The following PUDP variants were observed in gnomAD, a reference collection of about 807,000 sequenced individuals.
PUDP encodes pseudouridine 5'-phosphatase.
A neutral mutation model predicts 9.4 loss-of-function variants in PUDP; 8 were observed. That is an observed-to-expected ratio of 0.85 (90% confidence interval 0.50 to 1.53). The LOEUF (loss-of-function observed/expected upper bound fraction) is 1.53. PUDP is among the 40% of genes most tolerant of loss of function. PUDP has a pLI of 0.00. For missense variants in PUDP, 188 were observed against 189.7 expected (o/e 0.99, Z 0.05); for synonymous variants, 99 against 80.7 (o/e 1.23, Z -1.22).
intron 3 of PUDP, among the ~76,000 whole-genome samples, chrX:6,732,591 G>A (rs951355914): frequency 3.9e-4 from 40 of 102,399 alleles, no homozygotes; most frequent in African/African-American, 1.2e-3. Flanking sequence ...GAGGGAGGGA[G>A]GAAGGAGAAG....
chrX:6,850,827 A>G (rs1926816490), intron 3 of PUDP, among the ~76,000 whole-genome samples: 1 of 112,206 alleles, frequency 8.9e-6, no homozygotes, highest in Non-Finnish European at 1.9e-5. Flanking sequence ...AGACATATAC[A>G]GAAACATTAA....
intron 3 of PUDP, among the ~76,000 whole-genome samples, chrX:6,780,176 T>G (rs1399449254): frequency 6.4e-5 from 7 of 109,794 alleles, no homozygotes; most frequent in African/African-American, 2.3e-4. Flanking sequence ...TACACACACA[T>G]ATACACATAC....
chrX:7,134,531 A>C (rs1460658571), intron 1 of PUDP, among the ~76,000 whole-genome samples: 2 of 112,227 alleles, frequency 1.8e-5, no homozygotes, highest in Non-Finnish European at 3.8e-5. Flanking sequence ...CACTTTAAAG[A>C]GCTTGTCACG....
At chrX:6,991,844 A>G (rs1929183426) in intron 1 of PUDP, among the ~76,000 whole-genome samples, 1 of 111,280 alleles carries the variant, frequency 9.0e-6, no homozygotes, top group Admixed American at 9.6e-5. Flanking sequence ...AGAAAGAAAA[A>G]TTTTTAAAGA....
intron 3 of PUDP, among the ~76,000 whole-genome samples, chrX:6,811,887 G>A (rs1471191843): frequency 3.6e-5 from 4 of 112,308 alleles, no homozygotes; most frequent in South Asian, 3.7e-4. Flanking sequence ...GCTGGGCCCC[G>A]AAGGGGCTGC....
At chrX:6,999,353 G>A (rs777167164) in intron 1 of PUDP, among the ~76,000 whole-genome samples, 2 of 111,640 alleles carry the variant, frequency 1.8e-5, no homozygotes, top group South Asian at 3.8e-4. Context: ...ATTGCTCAGC[G>A]ATTTAATAGA....
chrX:7,052,475 G>A (rs148073408), intron 3 of PUDP, among the ~76,000 whole-genome samples: 2,222 of 111,994 alleles, frequency 0.02, 32 homozygotes, highest in Non-Finnish European at 0.03. Flanking sequence ...ATTCTTTGGC[G>A]TTTTCAGTAG....
chrX:6,952,476 T>C (rs912091957), intron 3 of PUDP, among the ~76,000 whole-genome samples: 1 of 112,077 alleles, frequency 8.9e-6, no homozygotes, highest in African/African-American at 3.2e-5. Flanking sequence ...TCTTTTCTAT[T>C]CTAGGATTCA....
intron 1 of PUDP, among the ~76,000 whole-genome samples, chrX:7,024,754 C>CTTTTTTTTTTTTTTTT (rs55692944): frequency 0.019 from 1,054 of 54,330 alleles, 238 homozygotes; most frequent in African/African-American, 0.036. Flanking sequence ...GCCCGGCTAA[C>CTTTTTTTTTTTTTTTT]TTTTTTTTTT....
chrX:6,758,541 G>T, intron 3 of PUDP, among the ~76,000 whole-genome samples: 1 of 111,862 alleles, frequency 8.9e-6, no homozygotes, highest in Non-Finnish European at 1.9e-5. Flanking sequence ...CAGACATTTT[G>T]CAAAACATTC....
chrX:6,809,391 A>G (rs1168928583), intron 3 of PUDP, among the ~76,000 whole-genome samples: 1 of 109,536 alleles, frequency 9.1e-6, no homozygotes, highest in Admixed American at 9.7e-5. Context: ...TCAAACTCCT[A>G]TGCTCAAGGG....
intron 3 of PUDP, among the ~76,000 whole-genome samples, chrX:6,911,136 G>T (rs1319221630): frequency 1.8e-5 from 2 of 110,904 alleles, no homozygotes; most frequent in African/African-American, 6.5e-5. Flanking sequence ...TAGAATAAAA[G>T]ATAATAAACT....
rs1330138990 is a variant in PUDP, at chrX:6,844,321, G to A, written c.*247+132812C>T. Among the ~76,000 whole-genome samples, 7 of 112,732 alleles carry A rather than the reference G, an allele frequency of 6.2e-5. No individual in the cohort carries two copies. In the East Asian group the frequency reaches 1.9e-3, roughly 31 times the overall value. On this transcript the variant is annotated intron_variant and NMD_transcript_variant, in intron 3 of 3. Coordinates refer to the PUDP transcript ENST00000655425. ...TATGCAACATATAACATATTCACAG[G>A]TTTTGGCAATTTGGTCATGGACATC...
chrX:6,741,844 TTCTTTC>T (rs1462416229), intron 3 of PUDP, among the ~76,000 whole-genome samples: 1 of 103,950 alleles, frequency 9.6e-6, no homozygotes, highest in African/African-American at 3.8e-5. Context: ...CTTTCTTTCT[TTCTTTC>T]TTTTTCTTTC....
intron 1 of PUDP, among the ~76,000 whole-genome samples, chrX:7,005,989 A>G (rs938436842): frequency 8.9e-6 from 1 of 111,956 alleles, no homozygotes; most frequent in African/African-American, 3.3e-5. Flanking sequence ...GTTCATCCAT[A>G]TTGTAACATA....
At chrX:7,144,097 T>C (rs1932824104) in intron 1 of PUDP, among the ~76,000 whole-genome samples, 2 of 111,614 alleles carry the variant, frequency 1.8e-5, no homozygotes, top group Non-Finnish European at 3.8e-5. Context: ...CGTTCTGGGG[T>C]TAAACAATAA....
At chrX:6,785,807 T>C (rs1157562021) in intron 3 of PUDP, among the ~76,000 whole-genome samples, 1 of 111,418 alleles carries the variant, frequency 9.0e-6, no homozygotes. Context: ...TAAAGACAAA[T>C]TGGGCAGCAT....
chrX:6,916,955 G>C (rs1602672139), intron 3 of PUDP, among the ~76,000 whole-genome samples: 1 of 111,946 alleles, frequency 8.9e-6, no homozygotes, highest in East Asian at 2.8e-4. Flanking sequence ...AGATGTTCCT[G>C]TATTTGATGT....
chrX:6,741,824 CTCTCTCTTTCTT>C (rs1924940823), intron 3 of PUDP, among the ~76,000 whole-genome samples: 3 of 97,933 alleles, frequency 3.1e-5, no homozygotes, highest in African/African-American at 4.1e-5. Flanking sequence ...CTCTCTCTCT[CTCTCTCTTTCTT>C]TCTTTCTTTC....
Sources: allele counts gnomAD v4.1 joint callset (sites outside exome capture counted in the v4.1 genomes callset), GRCh38; gene constraint gnomAD v4.1.1; transcripts MANE v1.5; gene names NCBI Gene and HGNC (gene_info 2026-07-23, HGNC 2026-07-21).